BMPR1B: variants seen among roughly 807,000 people sequenced by gnomAD.
BMPR1B encodes the protein bone morphogenetic protein receptor type-1B.
BMPR1B carries 12 observed loss-of-function variants against 59.1 expected under a neutral mutation model. The ratio of observed to expected loss-of-function variants is 0.20; its 90% CI spans 0.13 to 0.33. The LOEUF (loss-of-function observed/expected upper bound fraction) is 0.33. Ranked by LOEUF, BMPR1B falls within the 10% of genes least tolerant of loss-of-function variation. The pLI is 1.00. For missense variants in BMPR1B, 550 were observed against 610.9 expected (o/e 0.90, Z 1.05); for synonymous variants, 237 against 207.3 (o/e 1.14, Z -1.23).
At chr4:94,925,185 A>G (rs1322737596) in intron 2 of BMPR1B, among the ~76,000 whole-genome samples, 3 of 152,126 alleles carry the variant, frequency 2.0e-5, no homozygotes, top group Non-Finnish European at 2.9e-5. Context: ...GCATGACATT[A>G]AGAATATGGA....
chr4:94,836,854 A>G (rs1192500065), intron 1 of BMPR1B, among the ~76,000 whole-genome samples: 1 of 150,002 alleles, frequency 6.7e-6, no homozygotes, highest in African/African-American at 2.5e-5. Flanking sequence ...CCTGAATGGT[A>G]TTGCCTAGGT....
intron 2 of BMPR1B, among the ~76,000 whole-genome samples, chr4:94,974,927 A>G (rs1730956670): frequency 6.6e-6 from 1 of 152,152 alleles, no homozygotes; most frequent in Admixed American, 6.5e-5. Context: ...TGGAACAAAT[A>G]TTTTGGAGTT....
At chr4:95,128,921 T>A (rs1733096399) in intron 8 of BMPR1B, among the ~76,000 whole-genome samples, 1 of 152,150 alleles carries the variant, frequency 6.6e-6, no homozygotes, top group Non-Finnish European at 1.5e-5. Context: ...AAGAATTCAT[T>A]CTCTATAATC....
chr4:95,139,826 C>A (rs142444084), intron 10 of BMPR1B, among the ~76,000 whole-genome samples: 1 of 152,164 alleles, frequency 6.6e-6, no homozygotes, highest in African/African-American at 2.4e-5. Context: ...TTCCAGGTAC[C>A]GTGTGTCATG....
chr4:94,937,423 A>G (rs536105794), intron 2 of BMPR1B, among the ~76,000 whole-genome samples: 326 of 152,232 alleles, frequency 2.1e-3, no homozygotes, highest in Admixed American at 6.1e-3. Context: ...ATGGACAGAC[A>G]CTGCCTTCTG....
intron 4 of BMPR1B, 134 bp from the exon 5 acceptor site, chr4:95,114,586 G>A (rs908995305): frequency 7.3e-6 from 6 of 824,888 alleles, no homozygotes; most frequent in Non-Finnish European, 1.3e-5. Flanking sequence ...ACAGATCATT[G>A]ACATTCTCCT....
intron 3 of BMPR1B, among the ~76,000 whole-genome samples, chr4:95,045,775 G>T (rs1726009109): frequency 6.6e-6 from 1 of 152,156 alleles, no homozygotes; most frequent in African/African-American, 2.4e-5. Context: ...CCCACTAGAG[G>T]ATAAGCTTTG....
At chr4:94,977,055 TG>T (rs1266004117) in intron 2 of BMPR1B, among the ~76,000 whole-genome samples, 2 of 152,192 alleles carry the variant, frequency 1.3e-5, no homozygotes, top group African/African-American at 2.4e-5. Flanking sequence ...CAGTTCCAGG[TG>T]TTACAGTTTT....
Position 94,983,333 on chromosome 4 carries a change from C to T in BMPR1B, c.-112-12707C>T, listed in dbSNP as rs28632190. Among the ~76,000 whole-genome samples, 1,130 of 152,254 alleles carry T rather than the reference C, an allele frequency of 7.4e-3. 15 individuals carry two copies. Among genetic ancestry groups the T allele is most frequent in the African/African-American group, 0.026 (1,079 of 41,538 alleles). On this transcript the variant is annotated intron_variant, in intron 2 of 12. Transcript: ENST00000515059. ...AGTCCATGAGAGAAGATACCTGACA[C>T]GCTGCTTCACCATCATATATCCAAC...
At chr4:95,139,877 G>T (rs897014669) in intron 10 of BMPR1B, among the ~76,000 whole-genome samples, 7 of 152,188 alleles carry the variant, frequency 4.6e-5, no homozygotes, top group Admixed American at 4.6e-4. Context: ...GACCCCTTGC[G>T]CTTGCCGGGT....
chr4:95,108,895 T>A (rs1275272622), intron 4 of BMPR1B, among the ~76,000 whole-genome samples: 1 of 152,140 alleles, frequency 6.6e-6, no homozygotes, highest in African/African-American at 2.4e-5. Context: ...AGACCATCAC[T>A]GCATACCTTG....
intron 2 of BMPR1B, among the ~76,000 whole-genome samples, chr4:94,902,069 GT>G (rs1378385176): frequency 6.0e-5 from 9 of 149,088 alleles, no homozygotes; most frequent in Non-Finnish European, 1.3e-4. Flanking sequence ...GTGTGTGTGT[GT>G]GTGTGTGTGT....
intron 3 of BMPR1B, among the ~76,000 whole-genome samples, chr4:95,081,592 A>G (rs1007352003): frequency 1.3e-5 from 2 of 152,134 alleles, no homozygotes; most frequent in Admixed American, 6.5e-5. Context: ...TTTCATATTC[A>G]TGCATAGGTA....
chr4:95,051,607 A>G, intron 3 of BMPR1B: 1 of 1,199,058 alleles, frequency 8.3e-7, no homozygotes, highest in Non-Finnish European at 1.2e-6. Flanking sequence ...AAGATCTGAC[A>G]AGAGTGGCAG....
At chr4:94,967,503 G>T (rs777514557) in intron 2 of BMPR1B, among the ~76,000 whole-genome samples, 1 of 149,056 alleles carries the variant, frequency 6.7e-6, no homozygotes, top group Non-Finnish European at 1.5e-5. Context: ...TTTTTCTTGA[G>T]ATGGAGTCTT....
intron 2 of BMPR1B, among the ~76,000 whole-genome samples, chr4:94,892,685 C>T (rs1050870501): frequency 6.6e-6 from 1 of 151,982 alleles, no homozygotes; most frequent in Non-Finnish European, 1.5e-5. Flanking sequence ...GACCCACAAG[C>T]ATTTGTTTAG....
At chr4:94,943,151 T>TC (rs958650546) in intron 2 of BMPR1B, among the ~76,000 whole-genome samples, 1 of 152,090 alleles carries the variant, frequency 6.6e-6, no homozygotes. Context: ...CTATTTTTTT[T>TC]TTTTTTTGAG....
intron 1 of BMPR1B, among the ~76,000 whole-genome samples, chr4:94,849,354 A>C (rs893700976): frequency 8.5e-5 from 13 of 152,094 alleles, no homozygotes; most frequent in Admixed American, 8.5e-4. Context: ...TGACAAAAGC[A>C]AGTTGGAGTG....
intron 2 of BMPR1B, among the ~76,000 whole-genome samples, chr4:94,928,141 T>C (rs1578812176): frequency 6.6e-6 from 1 of 151,966 alleles, no homozygotes; most frequent in African/African-American, 2.4e-5. Flanking sequence ...GGTTATTTTT[T>C]ATTTTATTTT....
Sources: gnomAD v4.1 joint callset for allele counts (sites outside exome capture counted in the v4.1 genomes callset) on GRCh38, gnomAD v4.1.1 for gene constraint, MANE v1.5 for transcripts, NCBI Gene and HGNC (gene_info 2026-07-23, HGNC 2026-07-21) for gene names.